The following PALD1 variants were observed in gnomAD, a reference collection of about 807,000 sequenced individuals.
The protein encoded by PALD1 is paladin.
PALD1 carries 57 observed loss-of-function variants against 96.0 expected under a neutral mutation model. The ratio of observed to expected loss-of-function variants is 0.59; its 90% CI spans 0.48 to 0.74. PALD1 has a LOEUF of 0.74. PALD1 is among the 30% of genes least tolerant of loss of function. The pLI, the probability that PALD1 is intolerant of heterozygous loss-of-function variation, is 0.00. For synonymous variants in PALD1, 464 were observed against 473.6 expected (o/e 0.98, Z 0.26); for missense variants, 1,063 against 1,143.7 (o/e 0.93, Z 1.02).
chr10:70,537,832 G>T lies in PALD1; in HGVS notation c.1249G>T (p.Val417Phe). The T allele has an allele frequency of 1.2e-6, 2 of 1,613,316 alleles. No homozygotes were observed. The highest frequency in any genetic ancestry group is 1.7e-6 in the Non-Finnish European group (2 of 1,179,428). The change falls in exon 11 of 20, where the codon GTC becomes TTC. Residue 417 changes from valine to phenylalanine, a missense_variant. Physicochemically the swap from Val to Phe is conservative, Grantham distance 50 (BLOSUM62 -1). Coordinates refer to ENST00000263563, the MANE Select transcript of PALD1 (RefSeq NM_014431.3). ...TCAGGGAAGCGGCAGCCGACACAGC[G>T]TCTGGCAGAGGGCGCTGTGGAGCCT... The part of the protein sequence containing the change: ...PAQGSGSRHS[V>F]WQRALWSLER...
chr10:70,561,411 C>G (rs1847735582), intron 18 of PALD1, among the ~76,000 whole-genome samples: 3 of 152,196 alleles, frequency 2.0e-5, no homozygotes, highest in Non-Finnish European at 4.4e-5. Context: ...TCGGATGGAG[C>G]TTGGGGAAGG....
upstream of PALD1, among the ~76,000 whole-genome samples, chr10:70,478,051 G>C (rs1589164880): frequency 6.6e-6 from 1 of 151,916 alleles, no homozygotes. Flanking sequence ...GTGGTGGGGG[G>C]GGCAGGCCTA....
At chr10:70,533,134 G>C in intron 7 of PALD1, 64 bp downstream of exon 7, 2 of 1,344,442 alleles carry the variant, frequency 1.5e-6, no homozygotes, top group Non-Finnish European at 2.1e-6. Context: ...GAGGTGCTCA[G>C]GGTGGGCACA....
the PALD1 span, among the ~76,000 whole-genome samples, chr10:70,473,575 T>G: frequency 1.3e-5 from 2 of 152,222 alleles, no homozygotes; most frequent in Non-Finnish European, 2.9e-5. Flanking sequence ...GGAACTTGTC[T>G]GCCTCATTCA....
chr10:70,500,116 C>G (rs1846265712), intron 1 of PALD1, among the ~76,000 whole-genome samples: 1 of 152,162 alleles, frequency 6.6e-6, no homozygotes, highest in African/African-American at 2.4e-5. Context: ...AGGCTCGAGC[C>G]CACACAGTCT....
chr10:70,467,013 C>T, the PALD1 span, among the ~76,000 whole-genome samples: 1 of 152,202 alleles, frequency 6.6e-6, no homozygotes, highest in African/African-American at 2.4e-5. Context: ...CCTGCACCCT[C>T]TTCAGAGACT....
At chr10:70,541,390 C>T in intron 16 of PALD1, 73 bp from the exon 17 acceptor site, 1 of 1,543,606 alleles carries the variant, frequency 6.5e-7, no homozygotes, top group Non-Finnish European at 8.9e-7. Context: ...CTTGGGCAGC[C>T]CCCAAGTCCT....
At chr10:70,552,656 A>AT (rs1847505123) in intron 18 of PALD1, among the ~76,000 whole-genome samples, 1 of 152,110 alleles carries the variant, frequency 6.6e-6, no homozygotes, top group African/African-American at 2.4e-5. Context: ...TCTTCTGTGC[A>AT]TATTTCAGTA....
At chr10:70,483,096 G>A (rs138483027) in intron 1 of PALD1, among the ~76,000 whole-genome samples, 102 of 152,220 alleles carry the variant, frequency 6.7e-4, no homozygotes, top group Non-Finnish European at 1.2e-3. Context: ...ACCATGTCTG[G>A]TTCTGTGATG....
Position 70,557,284 on chromosome 10 carries a change from G to A in PALD1, c.2263-7080G>A, listed in dbSNP as rs73272694. Among the ~76,000 whole-genome samples, 439 of 152,320 alleles carry A rather than the reference G, an allele frequency of 2.9e-3. 3 individuals are homozygous for A. The highest frequency in any genetic ancestry group is 9.8e-3 in the African/African-American group (406 of 41,578). ...GACCAGTCTGGGGCCCATGGCAGGT[G>A]GGATGGGGTGTGGGGTGTGCAGGGT... On this transcript the variant is annotated intron_variant, in intron 18 of 19. Transcript: ENST00000263563.
At chr10:70,492,612 A>G (rs1440864280) in intron 1 of PALD1, among the ~76,000 whole-genome samples, 2 of 151,654 alleles carry the variant, frequency 1.3e-5, no homozygotes, top group Admixed American at 6.6e-5. Context: ...ACCTGCCACC[A>G]CGCCTGGCTA....
chr10:70,541,356 G>T, intron 16 of PALD1, 107 bp from the exon 17 acceptor site: 1 of 1,517,266 alleles, frequency 6.6e-7, no homozygotes, highest in Non-Finnish European at 9.1e-7. Flanking sequence ...AGCCGGGTGT[G>T]GTCCCAGAGC....
intron 5 of PALD1, 121 bp from the exon 6 acceptor site, chr10:70,532,500 G>T (rs987125995): frequency 6.5e-5 from 62 of 956,882 alleles, no homozygotes; most frequent in Non-Finnish European, 7.2e-5. Flanking sequence ...GTTCCCTCAT[G>T]GGGGGCAGAA....
intron 18 of PALD1, among the ~76,000 whole-genome samples, chr10:70,559,764 C>T (rs1207476147): frequency 6.6e-6 from 1 of 152,098 alleles, no homozygotes; most frequent in Non-Finnish European, 1.5e-5. Flanking sequence ...TTGGGGTGTG[C>T]TCAGGAGGTT....
At chr10:70,562,681 GGGGGATGGGGTGAGAA>G (rs371185633) in intron 18 of PALD1, among the ~76,000 whole-genome samples, 2 of 152,284 alleles carry the variant, frequency 1.3e-5, no homozygotes, top group African/African-American at 2.4e-5. Flanking sequence ...CTGTGGGTTT[GGGGGATGGGGTGAGAA>G]GGGGATGGGT....
At chr10:70,500,950 G>A (rs902851381) in intron 1 of PALD1, among the ~76,000 whole-genome samples, 1 of 152,296 alleles carries the variant, frequency 6.6e-6, no homozygotes, top group Admixed American at 6.5e-5. Context: ...TTCCTCCTTG[G>A]CCTCTGTATG....
At chr10:70,477,022 T>C (rs1211747530), upstream of PALD1, among the ~76,000 whole-genome samples, 3 of 113,792 alleles carry the variant, frequency 2.6e-5, no homozygotes, top group Non-Finnish European at 5.8e-5. Context: ...TGTATGTGTA[T>C]ACATGTGTGC....
intron 1 of PALD1, among the ~76,000 whole-genome samples, chr10:70,522,249 G>A (rs767889394): frequency 1.3e-5 from 2 of 152,058 alleles, no homozygotes; most frequent in African/African-American, 2.4e-5. Context: ...AAATGTAATT[G>A]CAGCTTCTTT....
the PALD1 span, among the ~76,000 whole-genome samples, chr10:70,472,304 G>A: frequency 1.3e-5 from 2 of 152,126 alleles, no homozygotes; most frequent in Non-Finnish European, 2.9e-5. Flanking sequence ...CTTGTCGCCT[G>A]GGCTGGAGTG....
Sources: gnomAD v4.1 joint callset for allele counts (sites outside exome capture counted in the v4.1 genomes callset) on GRCh38, gnomAD v4.1.1 for gene constraint, MANE v1.5 for transcripts, NCBI Gene and HGNC (gene_info 2026-07-23, HGNC 2026-07-21) for gene names.